The following LTBP2 variants were observed in gnomAD, a reference collection of about 807,000 sequenced individuals.
LTBP2 encodes the protein latent transforming growth factor beta binding protein 2.
Under a neutral mutation model 210.6 loss-of-function variants are expected in LTBP2, and 103 were observed. The ratio of observed to expected loss-of-function variants is 0.49; its 90% CI spans 0.42 to 0.58. LTBP2 has a LOEUF of 0.58. Among genes scored for constraint, LTBP2 ranks in the 20% least tolerant of loss-of-function variants. The probability of loss-of-function intolerance (pLI) is 0.00; values close to 1 mark genes in which losing one functional copy is unlikely to be tolerated. For missense variants in LTBP2, 2,313 were observed against 2,494.5 expected (o/e 0.93, Z 1.55); for synonymous variants, 1,007 against 1,015.0 (o/e 0.99, Z 0.15).
chr14:74,506,962 AC>A, intron 26 of LTBP2, 139 bp from the exon 27 acceptor site: 1 of 1,543,998 alleles, frequency 6.5e-7, no homozygotes, highest in Non-Finnish European at 8.7e-7. Context: ...GCTTATTAGC[AC>A]CAAGACCTGT....
At chr14:74,517,187 C>G (rs942092302) in intron 17 of LTBP2, among the ~76,000 whole-genome samples, 12 of 152,094 alleles carry the variant, frequency 7.9e-5, no homozygotes, top group African/African-American at 2.4e-4. Flanking sequence ...CTCTGGGGAC[C>G]CATGGGGATC....
rs751322623 is a variant in LTBP2, at chr14:74,535,977, G to C, written c.1813C>G (p.Gln605Glu). 2 of 1,614,150 alleles carry C rather than the reference G, an allele frequency of 1.2e-6. No individual in the cohort carries two copies. Among genetic ancestry groups the C allele is most frequent in the Non-Finnish European group, 1.7e-6 (2 of 1,180,010 alleles). The change falls in exon 9 of 36, where the codon CAG becomes GAG. Residue 605 changes from glutamine (Q) to glutamate (E), a missense_variant. By Grantham distance (29) the Gln-to-Glu change is conservative. Around this residue, in one of 3 missense-constraint regions of LTBP2, gnomAD observed 1,867 missense variants for 1,976.9 expected, o/e 0.94. Coordinates refer to ENST00000261978, the MANE Select transcript of LTBP2 (RefSeq NM_000428.3). Reference protein sequence around the residue: ...RPASPVIENGQLECPQGYKRL... With the variant: ...RPASPVIENGELECPQGYKRL... ...TTGTACCCCTGAGGACACTCCAGCTGGCCATTCTCAATCACCGGGGAGGCT... is the reference window on the plus strand; with the variant it reads ...TTGTACCCCTGAGGACACTCCAGCTCGCCATTCTCAATCACCGGGGAGGCT...
chr14:74,501,712 A>C, intron 34 of LTBP2, 122 bp from the exon 35 acceptor site: 1 of 1,203,112 alleles, frequency 8.3e-7, no homozygotes. Flanking sequence ...GTGGGGGCAG[A>C]GAGGATCATA....
chr14:74,505,189 T>C lies in LTBP2; in HGVS notation c.4178-15A>G. 1 of 1,611,090 alleles carries C rather than the reference T, an allele frequency of 6.2e-7. No homozygotes were observed. Among genetic ancestry groups the C allele is most frequent in the Non-Finnish European group, 8.5e-7 (1 of 1,179,760 alleles). On this transcript the variant is annotated splice_polypyrimidine_tract_variant and intron_variant, in intron 28 of 35. Transcript: ENST00000261978. ...CATACTCTGACCTGTGCGTGACAGA[T>C]GCTCATTACTGTCTGTTCATGACCC... is the stretch of plus-strand genomic sequence containing the variant.
In LTBP2 at chr14:74,555,587, T is replaced by G; in HGVS notation, c.937A>C (p.Asn313His). 6.2e-7 allele frequency: 1 copy of G among 1,612,202 alleles called. No homozygotes were observed. The highest frequency in any genetic ancestry group is 8.5e-7 in the Non-Finnish European group (1 of 1,178,932). Residue 313 changes from asparagine (N) to histidine (H), a missense_variant, in exon 4 of 36, where the codon AAC (asparagine) becomes CAC (histidine). By Grantham distance (68) the Asn-to-His change is moderately conservative. Coordinates refer to ENST00000261978, the MANE Select transcript of LTBP2 (RefSeq NM_000428.3). ...TATASSQLSSNALPPGPGLEQ... is the reference protein window; with the variant it reads ...TATASSQLSSHALPPGPGLEQ... ...AGGCCTGGTCCCGGGGGCAGGGCGT[T>G]GGAAGAGAGCTGGCTACTGGCCGTG...
chr14:74,534,975 AG>A, intron 9 of LTBP2, among the ~76,000 whole-genome samples: 1 of 152,234 alleles, frequency 6.6e-6, no homozygotes, highest in South Asian at 2.1e-4. Flanking sequence ...CAGGAGGAAA[AG>A]CAACTGGTGA....
intron 8 of LTBP2, among the ~76,000 whole-genome samples, chr14:74,539,603 G>C (rs2087466268): frequency 6.6e-6 from 1 of 152,188 alleles, no homozygotes; most frequent in Non-Finnish European, 1.5e-5. Flanking sequence ...CTACTCTGGG[G>C]GCTGAGGTAG....
At chr14:74,517,886 G>A (rs1369357458) in intron 17 of LTBP2, among the ~76,000 whole-genome samples, 3 of 152,230 alleles carry the variant, frequency 2.0e-5, no homozygotes, top group Non-Finnish European at 2.9e-5. Context: ...TCTGTTCGCA[G>A]CTTGGCTCAC....
chr14:74,551,070 G>T lies in LTBP2; in HGVS notation c.1680C>A (p.Asn560Lys). Residue 560 changes from asparagine to lysine, a missense_variant, in exon 7 of 36, where the codon AAC becomes AAA. Transcript: ENST00000261978. ...GCCAGAGCTGTGTTCTCACCTGTCCGTTCACAGTGTTCAGGTAACACCGGC... is the reference window on the plus strand; with the variant it reads ...GCCAGAGCTGTGTTCTCACCTGTCCTTTCACAGTGTTCAGGTAACACCGGC... ...LLGRCYLNTVNGQCANPLLEL... is the reference protein window; with the variant it reads ...LLGRCYLNTVKGQCANPLLEL... 6.2e-7 allele frequency: 1 copy of T among 1,613,698 alleles called. No individual in the cohort carries two copies. The highest frequency in any genetic ancestry group is 1.1e-5 in the South Asian group (1 of 91,086).
intron 11 of LTBP2, 95 bp downstream of exon 11, chr14:74,528,863 C>T: frequency 6.4e-7 from 1 of 1,554,328 alleles, no homozygotes; most frequent in Non-Finnish European, 8.7e-7. Flanking sequence ...CTACTTCAGT[C>T]TTCCAGATTG....
chr14:74,560,462 G>T (rs2087780121), intron 3 of LTBP2, among the ~76,000 whole-genome samples: 1 of 152,174 alleles, frequency 6.6e-6, no homozygotes, highest in Non-Finnish European at 1.5e-5. Flanking sequence ...CCACAAGAAA[G>T]CTGCCTGGGC....
At chr14:74,523,541 G>A (rs918256579) in intron 15 of LTBP2, among the ~76,000 whole-genome samples, 2 of 152,028 alleles carry the variant, frequency 1.3e-5, no homozygotes, top group Non-Finnish European at 2.9e-5. Flanking sequence ...ATTTAAATGA[G>A]GGTCTGCCTT....
chr14:74,611,348 C>A, intron 1 of LTBP2, 103 bp downstream of exon 1: 2 of 1,283,018 alleles, frequency 1.6e-6, no homozygotes, highest in Non-Finnish European at 1.0e-6. Flanking sequence ...GACAGAGGGA[C>A]GAGGGTATGA....
chr14:74,520,299 C>T (rs928749018), intron 17 of LTBP2, among the ~76,000 whole-genome samples: 5 of 152,136 alleles, frequency 3.3e-5, no homozygotes, highest in African/African-American at 1.2e-4. Context: ...GGAAGCAAAC[C>T]ATGCTTTGGA....
Position 74,586,244 on chromosome 14 carries a change from C to T in LTBP2, c.566-126G>A, listed in dbSNP as rs2088204219. ...CCTGTCGCTCAAGCAGGAAGCCACTCTCCTGGCCTCAGGGGGCTCCCTGAC... is the reference window on the plus strand; with the variant it reads ...CCTGTCGCTCAAGCAGGAAGCCACTTTCCTGGCCTCAGGGGGCTCCCTGAC... On this transcript the variant is annotated intron_variant, in intron 2 of 35. Transcript: ENST00000261978. This position sits in a 1 kb window ranked among gnomAD's most constrained non-coding sequence, Gnocchi z 4.6. The T allele has an allele frequency of 9.1e-7, 1 of 1,102,898 alleles. No homozygotes were observed. The highest frequency in any genetic ancestry group is 1.6e-5 in the African/African-American group (1 of 64,098). 68.3% of individuals were successfully genotyped at this position (1,102,898 alleles called of 1,614,324 possible).
At chr14:74,578,418 T>C (rs2088090204) in intron 3 of LTBP2, among the ~76,000 whole-genome samples, 1 of 152,054 alleles carries the variant, frequency 6.6e-6, no homozygotes, top group African/African-American at 2.4e-5. Context: ...TTCAGGGAGG[T>C]AAAGGGGCTT....
chr14:74,523,623 T>C (rs1286838456), intron 15 of LTBP2, among the ~76,000 whole-genome samples: 1 of 152,262 alleles, frequency 6.6e-6, no homozygotes, highest in East Asian at 1.9e-4. Context: ...GCAGACTCAC[T>C]GGGACTCGGG....
At chr14:74,516,103 G>A (rs2087130807) in intron 18 of LTBP2, among the ~76,000 whole-genome samples, 1 of 152,210 alleles carries the variant, frequency 6.6e-6, no homozygotes, top group African/African-American at 2.4e-5. Flanking sequence ...TCGGACCCAG[G>A]GCCAGGTTCT....
At chr14:74,525,935 C>A (rs2087266404) in intron 14 of LTBP2, 140 bp downstream of exon 14, 1 of 918,394 alleles carries the variant, frequency 1.1e-6, no homozygotes, top group Non-Finnish European at 1.7e-6. Flanking sequence ...AGAAACAGCA[C>A]TCACAGGCCA....
Sources: allele counts gnomAD v4.1 joint callset (sites outside exome capture counted in the v4.1 genomes callset), GRCh38; gene constraint gnomAD v4.1.1; regional missense constraint gnomAD v4.1.1; non-coding constraint Gnocchi (gnomAD v3.1); transcripts MANE v1.5; gene names NCBI Gene and HGNC (gene_info 2026-07-23, HGNC 2026-07-21).